The following SLC26A7 variants were observed in gnomAD, a reference collection of about 807,000 sequenced individuals.
SLC26A7 encodes the protein solute carrier family 26 member 7.
A neutral mutation model predicts 82.5 loss-of-function variants in SLC26A7; 59 were observed. That is an observed-to-expected ratio of 0.72 (90% CI 0.58 to 0.89). The LOEUF is 0.89. SLC26A7 is among the 40% of genes least tolerant of loss of function. The probability of loss-of-function intolerance (pLI) is 0.00; values close to 1 mark genes in which losing one functional copy is unlikely to be tolerated. For synonymous variants in SLC26A7, 271 were observed against 274.3 expected (o/e 0.99, Z 0.12); for missense variants, 820 against 793.0 (o/e 1.03, Z -0.41).
chr8:91,350,179 G>A (rs1813674279), intron 9 of SLC26A7, among the ~76,000 whole-genome samples: 1 of 152,050 alleles, frequency 6.6e-6, no homozygotes, highest in Non-Finnish European at 1.5e-5. Flanking sequence ...TCTGCCAACA[G>A]GGAAAGGCCT....
chr8:91,319,201 G>A (rs1812723891), intron 5 of SLC26A7, among the ~76,000 whole-genome samples: 2 of 152,062 alleles, frequency 1.3e-5, no homozygotes, highest in African/African-American at 4.8e-5. Context: ...ATGGCCCCGT[G>A]AGGATCCTCT....
At chr8:91,305,680 C>G (rs553900913) in intron 4 of SLC26A7, among the ~76,000 whole-genome samples, 36 of 152,260 alleles carry the variant, frequency 2.4e-4, no homozygotes, top group African/African-American at 7.0e-4. Flanking sequence ...TGCCTTCAAC[C>G]ATGTAATTCC....
At chr8:91,333,451 C>A (rs560643448) in intron 5 of SLC26A7, among the ~76,000 whole-genome samples, 5 of 152,120 alleles carry the variant, frequency 3.3e-5, no homozygotes, top group Non-Finnish European at 7.4e-5. Context: ...TGCACCCCTC[C>A]CCTCACATTT....
chr8:91,317,426 T>G (rs118094328), intron 4 of SLC26A7, among the ~76,000 whole-genome samples: 2 of 152,208 alleles, frequency 1.3e-5, no homozygotes, highest in African/African-American at 4.8e-5. Context: ...TAAGTCCTAA[T>G]GTATTCTTAT....
At chr8:91,346,620 G>A (rs2130849607) in intron 9 of SLC26A7, among the ~76,000 whole-genome samples, 1 of 152,188 alleles carries the variant, frequency 6.6e-6, no homozygotes, top group Admixed American at 6.5e-5. Flanking sequence ...AACATTTCTG[G>A]TATTTCTGCA....
intron 15 of SLC26A7, 84 bp from the exon 16 acceptor site, chr8:91,389,254 C>T: frequency 1.1e-6 from 1 of 876,894 alleles, no homozygotes; most frequent in Admixed American, 2.1e-5. Flanking sequence ...CATGAGGCCA[C>T]TGTTACCCTC....
At chr8:91,345,270 G>A (rs1813530546) in intron 9 of SLC26A7, among the ~76,000 whole-genome samples, 2 of 152,112 alleles carry the variant, frequency 1.3e-5, no homozygotes, top group Non-Finnish European at 2.9e-5. Context: ...TTTCTTCCTG[G>A]TTTCTTACCA....
intron 5 of SLC26A7, among the ~76,000 whole-genome samples, chr8:91,333,592 A>G (rs532324343): frequency 6.6e-6 from 1 of 151,854 alleles, no homozygotes; most frequent in East Asian, 1.9e-4. Flanking sequence ...CCCCACCACC[A>G]CTCAAAACCC....
At chr8:91,352,273 A>G (rs1305343386) in intron 10 of SLC26A7, among the ~76,000 whole-genome samples, 3 of 152,132 alleles carry the variant, frequency 2.0e-5, no homozygotes, top group East Asian at 3.8e-4. Flanking sequence ...TGCTGTTGAT[A>G]TATCTGTTAC....
At chr8:91,263,068 C>T (rs544080388) in intron 2 of SLC26A7, among the ~76,000 whole-genome samples, 31 of 152,094 alleles carry the variant, frequency 2.0e-4, no homozygotes, top group African/African-American at 7.5e-4. Context: ...TTTTCAATTG[C>T]AACAAAGTGA....
intron 6 of SLC26A7, among the ~76,000 whole-genome samples, chr8:91,337,754 T>A (rs1389189398): frequency 6.6e-6 from 1 of 152,188 alleles, no homozygotes; most frequent in African/African-American, 2.4e-5. Flanking sequence ...AAGGCTGCTG[T>A]CATGGAGAGA....
intron 2 of SLC26A7, among the ~76,000 whole-genome samples, chr8:91,259,728 C>T (rs1432205470): frequency 6.6e-6 from 1 of 152,002 alleles, no homozygotes; most frequent in Non-Finnish European, 1.5e-5. Flanking sequence ...CTGCCTTGTC[C>T]CTTTCACCTG....
chr8:91,370,675 A>AC (rs1814332501), intron 15 of SLC26A7, among the ~76,000 whole-genome samples: 1 of 152,032 alleles, frequency 6.6e-6, no homozygotes, highest in South Asian at 2.1e-4. Flanking sequence ...CTCAGTATAG[A>AC]GAAAATTAAA....
At chr8:91,292,343 T>C (rs1811896103) in intron 3 of SLC26A7, among the ~76,000 whole-genome samples, 1 of 152,066 alleles carries the variant, frequency 6.6e-6, no homozygotes, top group African/African-American at 2.4e-5. Flanking sequence ...TCCCTTATTT[T>C]GCAACATATA....
chr8:91,237,504 G>A (rs1378700694), intron 2 of SLC26A7, among the ~76,000 whole-genome samples: 1 of 151,944 alleles, frequency 6.6e-6, no homozygotes, highest in Non-Finnish European at 1.5e-5. Flanking sequence ...ATATATATTT[G>A]TCTTTTTAAA....
chr8:91,229,111 G>GAA (rs2130671990), intron 2 of SLC26A7, among the ~76,000 whole-genome samples: 1 of 152,220 alleles, frequency 6.6e-6, no homozygotes, highest in South Asian at 2.1e-4. Context: ...TTCCCTGCTC[G>GAA]AATCCTGCCA....
At chr8:91,284,739 C>T (rs770394406) in intron 2 of SLC26A7, among the ~76,000 whole-genome samples, 18 of 152,168 alleles carry the variant, frequency 1.2e-4, no homozygotes, top group Non-Finnish European at 2.1e-4. Context: ...TCATAACCTT[C>T]TTTAGAAACT....
intron 14 of SLC26A7, 105 bp from the exon 15 acceptor site, chr8:91,369,680 T>G: frequency 1.3e-6 from 1 of 750,568 alleles, no homozygotes; most frequent in Non-Finnish European, 2.1e-6. Context: ...ATTTTGGAGA[T>G]GAGTTTTTTT....
chr8:91,394,440 T>C, intron 18 of SLC26A7: 1 of 1,404,026 alleles, frequency 7.1e-7, no homozygotes. Context: ...TAAGCTTATA[T>C]TGCCATCTTT....
Sources: gnomAD v4.1 joint callset for allele counts (sites outside exome capture counted in the v4.1 genomes callset) on GRCh38, gnomAD v4.1.1 for gene constraint, MANE v1.5 for transcripts, NCBI Gene and HGNC (gene_info 2026-07-23, HGNC 2026-07-21) for gene names.